Variants in PTPRQ observed in about 807,000 individuals in gnomAD.
PTPRQ encodes protein tyrosine phosphatase receptor type Q.
In PTPRQ, 199 loss-of-function variants were observed where a neutral mutation model predicts 246.0. The observed-to-expected ratio is 0.81, with a 90% confidence interval of 0.72 to 0.91. The LOEUF is 0.91. Ranked by LOEUF, PTPRQ falls within the 40% of genes least tolerant of loss-of-function variation. PTPRQ has a pLI of 0.00. For synonymous variants in PTPRQ, 869 were observed against 853.2 expected (o/e 1.02, Z -0.32); for missense variants, 2,624 against 2,528.4 (o/e 1.04, Z -0.81).
At chr12:80,517,607 T>C (rs187675830) in intron 17 of PTPRQ, among the ~76,000 whole-genome samples, 1 of 151,914 alleles carries the variant, frequency 6.6e-6, no homozygotes, top group Non-Finnish European at 1.5e-5. Flanking sequence ...ATTCATTCTT[T>C]CTATTTTTTT....
intron 27 of PTPRQ, among the ~76,000 whole-genome samples, chr12:80,608,410 AC>A (rs541019090): frequency 5.7e-4 from 86 of 150,706 alleles, no homozygotes; most frequent in African/African-American, 2.0e-3. Flanking sequence ...GATCTTTTGT[AC>A]TGCCAAATTT....
At chr12:80,651,169 A>C (rs1243093190) in intron 37 of PTPRQ, among the ~76,000 whole-genome samples, 1 of 152,066 alleles carries the variant, frequency 6.6e-6, no homozygotes, top group African/African-American at 2.4e-5. Context: ...CTACTTTATT[A>C]AATTATGAAT....
chr12:80,538,742 A>G (rs1896060837), intron 19 of PTPRQ, among the ~76,000 whole-genome samples: 1 of 151,758 alleles, frequency 6.6e-6, no homozygotes, highest in Admixed American at 6.6e-5. Context: ...ATCCTATGTT[A>G]TTCATTTAAA....
intron 33 of PTPRQ, among the ~76,000 whole-genome samples, chr12:80,630,874 G>A (rs1307280699): frequency 2.0e-5 from 3 of 151,858 alleles, no homozygotes; most frequent in African/African-American, 7.3e-5. Context: ...CTGCCACCAC[G>A]CCCAGCTAAT....
intron 35 of PTPRQ, among the ~76,000 whole-genome samples, chr12:80,643,788 A>C (rs542784690): frequency 7.2e-5 from 11 of 152,344 alleles, no homozygotes; most frequent in Non-Finnish European, 1.2e-4. Context: ...GAAATATATA[A>C]ACTAAAAACT....
chr12:80,445,533 C>G lies in PTPRQ; in HGVS notation c.206C>G (p.Ser69Cys), dbSNP rs61729302. ...TTCCTAGCCGGGGAAAGAGTCGGAT[C>G]TGCTGGGATTCTTCTGTCTTGGAAT... ...PVFLAGERVGSAGILLSWNTP... is the reference protein window; with the variant it reads ...PVFLAGERVGCAGILLSWNTP... The change falls in exon 3 of 45, where the codon TCT becomes TGT. Residue 69 changes from serine to cysteine, a missense_variant. By Grantham distance (112) the Ser-to-Cys change is moderately radical (BLOSUM62 -1). Coordinates refer to ENST00000644991, the MANE Select transcript of PTPRQ (RefSeq NM_001145026.2). 8.4e-4 allele frequency: 1,304 copies of G among 1,548,684 alleles called. 7 individuals are homozygous for G. The African/African-American group carries it at 0.016, about 19-fold the overall frequency.
Position 80,679,074 on chromosome 12 carries a change from C to A in PTPRQ, c.*51C>A. The A allele has an allele frequency of 6.5e-7, 1 of 1,529,988 alleles. No homozygotes were observed. The allele number at this position is 1,529,988 out of a possible 1,614,324, so 94.8% of individuals were successfully genotyped here. On this transcript the variant is annotated 3_prime_UTR_variant, in exon 45 of 45. Transcript: ENST00000644991. ...GAAGAGATTTTTAAATCCCAGGGGC[C>A]AAAGTTACCCCCTCATTCTTCCGAA...
At chr12:80,661,262 T>C (rs1900621164) in intron 39 of PTPRQ, among the ~76,000 whole-genome samples, 1 of 149,212 alleles carries the variant, frequency 6.7e-6, no homozygotes, top group African/African-American at 2.4e-5. Flanking sequence ...AATATATTTG[T>C]ATATGTGTAT....
chr12:80,664,685 C>T (rs1900732783), intron 39 of PTPRQ, among the ~76,000 whole-genome samples: 1 of 151,964 alleles, frequency 6.6e-6, no homozygotes, highest in African/African-American at 2.4e-5. Context: ...CTTATTTCTT[C>T]AGCACCCTCA....
At chr12:80,587,985 T>G in intron 25 of PTPRQ, 144 bp from the exon 26 acceptor site, 1 of 815,346 alleles carries the variant, frequency 1.2e-6, no homozygotes, top group Non-Finnish European at 1.8e-6. Context: ...GTTCTTCTCA[T>G]TAAGTGTGGG....
chr12:80,548,839 T>C (rs910247207), intron 24 of PTPRQ, among the ~76,000 whole-genome samples: 5 of 152,132 alleles, frequency 3.3e-5, no homozygotes, highest in African/African-American at 1.2e-4. Context: ...GCCTACCAGA[T>C]ATAGAGGACC....
At chr12:80,645,173 T>C (rs1404483290) in intron 35 of PTPRQ, among the ~76,000 whole-genome samples, 2 of 152,094 alleles carry the variant, frequency 1.3e-5, no homozygotes, top group African/African-American at 4.8e-5. Flanking sequence ...TCTTAAAGTG[T>C]GTGCCTATTT....
At chr12:80,470,932 T>C in intron 7 of PTPRQ, among the ~76,000 whole-genome samples, 1 of 151,892 alleles carries the variant, frequency 6.6e-6, no homozygotes, top group East Asian at 1.9e-4. Context: ...CTTGAGGGAG[T>C]GGCTGAAATT....
At chr12:80,658,613 T>C (rs954941148) in intron 39 of PTPRQ, among the ~76,000 whole-genome samples, 3 of 152,082 alleles carry the variant, frequency 2.0e-5, no homozygotes, top group Non-Finnish European at 2.9e-5. Flanking sequence ...AAAAAATTCC[T>C]GTCAGCCTCT....
intron 17 of PTPRQ, among the ~76,000 whole-genome samples, chr12:80,526,631 C>G (rs1012920649): frequency 6.6e-6 from 1 of 152,002 alleles, no homozygotes; most frequent in Admixed American, 6.6e-5. Context: ...AACTGAAGAA[C>G]AGACAGTTTG....
In PTPRQ at chr12:80,620,175, C is replaced by T; in HGVS notation, c.5411C>T (p.Thr1804Ile). The change falls in exon 32 of 45, where the codon ACA (threonine) becomes ATA (isoleucine). Residue 1804 changes from threonine (T) to isoleucine (I), a missense_variant. By Grantham distance (89) the Thr-to-Ile change is moderately conservative (BLOSUM62 -1). Transcript: ENST00000644991. ...ETGAQHDGNV[T>I]KWYDAYFNKA... ...ACAGCTCAGCATGATGGAAATGTAA[C>T]AAAGTGGTATGATGCATATTTTAAT... is the stretch of plus-strand genomic sequence containing the variant. 6.5e-7 allele frequency: 1 copy of T among 1,546,458 alleles called. No homozygotes were observed. The highest frequency in any genetic ancestry group is 8.7e-7 in the Non-Finnish European group (1 of 1,144,160).
chr12:80,482,038 A>G (rs1894082150), intron 8 of PTPRQ, among the ~76,000 whole-genome samples: 1 of 148,452 alleles, frequency 6.7e-6, no homozygotes, highest in Non-Finnish European at 1.5e-5. Flanking sequence ...TAAAGTTCAT[A>G]TGGAACCAAA....
In PTPRQ at chr12:80,613,767, A is replaced by G; in HGVS notation, c.5094A>G (p.Ile1698Met). 1 of 1,543,790 alleles carries G rather than the reference A, an allele frequency of 6.5e-7. No individual in the cohort carries two copies. Among genetic ancestry groups the G allele is most frequent in the Non-Finnish European group, 8.8e-7 (1 of 1,142,062 alleles). Reference sequence around the variant, plus strand: ...TCCAGATTCACAACCTCAGTATTATACAGAAAACCAACACATTCGTCATTG... The same window carrying G: ...TCCAGATTCACAACCTCAGTATTATGCAGAAAACCAACACATTCGTCATTG... ...TAVQIHNLSI[I>M]QKTNTFVIAM... The change falls in exon 29 of 45, where the codon ATA becomes ATG. Residue 1698 changes from isoleucine (I) to methionine (M), a missense_variant. Transcript: ENST00000644991.
chr12:80,673,724 TA>T (rs1316260632), intron 43 of PTPRQ, among the ~76,000 whole-genome samples: 1 of 152,190 alleles, frequency 6.6e-6, no homozygotes, highest in East Asian at 1.9e-4. Context: ...TACTTCTCCA[TA>T]TTTATCCCTA....
Sources: allele counts gnomAD v4.1 joint callset (sites outside exome capture counted in the v4.1 genomes callset), GRCh38; gene constraint gnomAD v4.1.1; transcripts MANE v1.5; gene names NCBI Gene and HGNC (gene_info 2026-07-23, HGNC 2026-07-21).